SPAG16: variants seen among roughly 807,000 people sequenced by gnomAD.
SPAG16 encodes sperm associated antigen 16, also known as sperm-associated antigen 16 protein.
A neutral mutation model predicts 80.4 loss-of-function variants in SPAG16; 86 were observed. The ratio of observed to expected loss-of-function variants is 1.07; its 90% CI spans 0.90 to 1.28. The LOEUF (loss-of-function observed/expected upper bound fraction) is 1.28, where lower values mean the gene tolerates loss of function less well. Ranked by LOEUF, SPAG16 falls within the 50% of genes most tolerant of loss-of-function variation. The pLI is 0.00. For missense variants in SPAG16, 870 were observed against 765.3 expected (o/e 1.14, Z -1.61); for synonymous variants, 294 against 265.9 (o/e 1.11, Z -1.03).
At chr2:214,187,782 C>CTT (rs1305668782) in intron 15 of SPAG16, among the ~76,000 whole-genome samples, 14 of 146,708 alleles carry the variant, frequency 9.5e-5, no homozygotes, top group African/African-American at 3.0e-4. Flanking sequence ...ATCGCTTAAC[C>CTT]TTTTTTTTTT....
At chr2:214,395,583 C>T (rs1345778015) in intron 15 of SPAG16, among the ~76,000 whole-genome samples, 2 of 152,106 alleles carry the variant, frequency 1.3e-5, no homozygotes, top group Admixed American at 6.5e-5. Context: ...TATAGGTAAA[C>T]TGCATGTGAC....
rs1235711457 is a variant in SPAG16 at position 213,309,970 on chromosome 2, T to C, written c.280-89T>C. ...ACAAACATTGTTGAAAAAAAATGAA[T>C]GGATGAATGAATGAGTCGAAGGCTT... On this transcript the variant is annotated intron_variant, in intron 3 of 15. Coordinates refer to ENST00000331683, the MANE Select transcript of SPAG16 (RefSeq NM_024532.5). 4 of 765,180 alleles carry C rather than the reference T, an allele frequency of 5.2e-6. No individual in the cohort carries two copies. The African/African-American group carries it at 5.4e-5, about 10-fold the overall frequency. The allele number at this position is 765,180 out of a possible 1,614,324, so 47.4% of individuals were successfully genotyped here. A position where few individuals can be genotyped will look rare whatever the true frequency, so the allele number is the denominator to read the frequency against.
At chr2:213,503,874 G>A (rs886564346) in intron 10 of SPAG16, among the ~76,000 whole-genome samples, 2 of 152,188 alleles carry the variant, frequency 1.3e-5, no homozygotes, top group Admixed American at 1.3e-4. Context: ...GTTAGTGGGA[G>A]GAAAAGCAGG....
intron 15 of SPAG16, among the ~76,000 whole-genome samples, chr2:214,166,510 C>T (rs536674138): frequency 4.7e-4 from 71 of 152,304 alleles, no homozygotes; most frequent in Non-Finnish European, 8.8e-4. Context: ...CTCAGCCAGG[C>T]TCCTGTTAGG....
In SPAG16 at chr2:213,863,688, A is replaced by G. The variant is rs1201864467; in HGVS notation, c.1214+1060A>G. On this transcript the variant is annotated intron_variant, in intron 11 of 15. Transcript: ENST00000331683. ...CCCATGTTGCAAGCAGAGACAATAC[A>G]ATTAGAAGAATAGCCAATCGCTTAT... 4.6e-5 allele frequency among the ~76,000 whole-genome samples: 7 copies of G among 152,036 alleles called. 1 individual carries two copies. The East Asian group carries it at 1.4e-3, about 29-fold the overall frequency.
At chr2:214,205,744 C>G (rs1029960767) in intron 15 of SPAG16, among the ~76,000 whole-genome samples, 4 of 151,980 alleles carry the variant, frequency 2.6e-5, no homozygotes, top group African/African-American at 9.7e-5. Context: ...CCATAATATA[C>G]CTATTTATGG....
chr2:213,456,357 A>C (rs553633609), intron 9 of SPAG16, among the ~76,000 whole-genome samples: 1 of 152,348 alleles, frequency 6.6e-6, no homozygotes, highest in East Asian at 1.9e-4. Flanking sequence ...CTTTAATCCC[A>C]AACTCTATTA....
chr2:213,875,096 C>T (rs1353104949), intron 11 of SPAG16, among the ~76,000 whole-genome samples: 1 of 138,298 alleles, frequency 7.2e-6, no homozygotes, highest in Non-Finnish European at 1.6e-5. Context: ...CACATACTAC[C>T]ACATCAAACT....
chr2:213,882,414 T>C (rs2076379255), intron 11 of SPAG16, among the ~76,000 whole-genome samples: 1 of 152,206 alleles, frequency 6.6e-6, no homozygotes, highest in Non-Finnish European at 1.5e-5. Flanking sequence ...TTTCTATATC[T>C]GTTAGAATTC....
chr2:214,255,075 A>G lies in SPAG16; in HGVS notation c.1720+105809A>G, dbSNP rs114974608. Among the ~76,000 whole-genome samples, 1,111 of 152,212 alleles carry G rather than the reference A, an allele frequency of 7.3e-3. 8 individuals carry two copies. The highest frequency in any genetic ancestry group is 0.013 in the Non-Finnish European group (885 of 67,982). ...GCATAGTAAACTAACACAGTCTTCC[A>G]TTACCAATGCTTATTATCATTGTTG... On this transcript the variant is annotated intron_variant, in intron 15 of 15. Coordinates refer to ENST00000331683, the MANE Select transcript of SPAG16 (RefSeq NM_024532.5).
intron 13 of SPAG16, among the ~76,000 whole-genome samples, chr2:214,056,553 A>G (rs1001032302): frequency 6.6e-6 from 1 of 152,258 alleles, no homozygotes; most frequent in Middle Eastern, 3.4e-3. Flanking sequence ...CTCACAATCA[A>G]CTGAGCCTTC....
intron 15 of SPAG16, among the ~76,000 whole-genome samples, chr2:214,232,876 A>G (rs889019517): frequency 2.6e-5 from 4 of 152,066 alleles, no homozygotes; most frequent in African/African-American, 9.7e-5. Context: ...AGTTAAGAGG[A>G]GCATTAAAAA....
rs933640798 is a variant in SPAG16, at chr2:213,586,533, G to A, written c.1070+96443G>A. Among the ~76,000 whole-genome samples, 36 of 152,156 alleles carry A rather than the reference G, an allele frequency of 2.4e-4. 1 individual carries two copies. Among genetic ancestry groups the A allele is most frequent in the African/African-American group, 7.5e-4 (31 of 41,426 alleles). ...CATTCAGACCACAGCGTTTCACCCC[G>A]ACACTCTCAAATTCATGTTCTTCTT... On this transcript the variant is annotated intron_variant, in intron 10 of 15. Coordinates refer to ENST00000331683, the MANE Select transcript of SPAG16 (RefSeq NM_024532.5).
intron 10 of SPAG16, among the ~76,000 whole-genome samples, chr2:213,858,337 C>A (rs1268815357): frequency 2.0e-5 from 3 of 152,160 alleles, no homozygotes; most frequent in African/African-American, 7.2e-5. Context: ...ATCTAGCCTT[C>A]AGGAACCACA....
At chr2:213,703,093 A>C (rs1337765109) in intron 10 of SPAG16, among the ~76,000 whole-genome samples, 1 of 152,216 alleles carries the variant, frequency 6.6e-6, no homozygotes, top group South Asian at 2.1e-4. Flanking sequence ...ACACTTTGCC[A>C]TTCTCTTTTT....
At chr2:213,572,628 C>G (rs891505660) in intron 10 of SPAG16, among the ~76,000 whole-genome samples, 1 of 152,120 alleles carries the variant, frequency 6.6e-6, no homozygotes, top group African/African-American at 2.4e-5. Context: ...GGGAGAACCA[C>G]TGCTCTCTTC....
intron 15 of SPAG16, among the ~76,000 whole-genome samples, chr2:214,187,991 C>T (rs78882769): frequency 1.1e-4 from 17 of 152,144 alleles, no homozygotes; most frequent in African/African-American, 2.4e-4. Flanking sequence ...TAAATGCTGA[C>T]GGTTTATTGC....
chr2:213,790,197 A>G (rs895814367), intron 10 of SPAG16, among the ~76,000 whole-genome samples: 4 of 151,938 alleles, frequency 2.6e-5, no homozygotes, highest in African/African-American at 9.7e-5. Context: ...ATGATTCATC[A>G]CTGCCTATAA....
At chr2:214,256,238 A>G (rs1408421631) in intron 15 of SPAG16, among the ~76,000 whole-genome samples, 1 of 151,788 alleles carries the variant, frequency 6.6e-6, no homozygotes, top group Non-Finnish European at 1.5e-5. Flanking sequence ...TTGGCCATTC[A>G]TACACCTTTT....
Sources: allele counts gnomAD v4.1 joint callset (sites outside exome capture counted in the v4.1 genomes callset), GRCh38; gene constraint gnomAD v4.1.1; transcripts MANE v1.5; gene names NCBI Gene and HGNC (gene_info 2026-07-23, HGNC 2026-07-21).